The following NCAM1 variants were observed in gnomAD, a reference collection of about 807,000 sequenced individuals.
NCAM1 encodes the protein neural cell adhesion molecule 1, also known as antigen recognized by monoclonal antibody 5.1H11.
A neutral mutation model predicts 109.8 loss-of-function variants in NCAM1; 14 were observed. The observed-to-expected ratio is 0.13, with a 90% CI of 0.08 to 0.20. The LOEUF is 0.20. Among genes scored for constraint, NCAM1 ranks in the 10% least tolerant of loss-of-function variants. The probability of loss-of-function intolerance (pLI) is 1.00; values close to 1 mark genes in which losing one functional copy is unlikely to be tolerated. For synonymous variants in NCAM1, 418 were observed against 442.9 expected, an observed-to-expected ratio of 0.94 and a Z score of 0.70; for missense variants, 774 against 1,109.9, an observed-to-expected ratio of 0.70 and a Z score of 4.30.
intron 7 of NCAM1, among the ~76,000 whole-genome samples, chr11:113,209,141 G>A (rs1555113327): frequency 1.3e-5 from 2 of 152,236 alleles, no homozygotes; most frequent in African/African-American, 4.8e-5. Context: ...AGACAGCACT[G>A]GGGAAGTGCC....
intron 9 of NCAM1, among the ~76,000 whole-genome samples, chr11:113,225,933 C>T (rs972700294): frequency 1.3e-5 from 2 of 152,164 alleles, no homozygotes; most frequent in Non-Finnish European, 2.9e-5. Context: ...CTGAAGGAAG[C>T]ACTAAACATG....
intron 1 of NCAM1, among the ~76,000 whole-genome samples, chr11:112,979,726 T>C (rs1290948498): frequency 6.6e-6 from 1 of 151,836 alleles, no homozygotes; most frequent in Admixed American, 6.6e-5. Flanking sequence ...TGGTCTGGTC[T>C]CTTGGGGTTG....
chr11:113,142,770 G>A (rs75868324), intron 1 of NCAM1, among the ~76,000 whole-genome samples: 23 of 152,196 alleles, frequency 1.5e-4, no homozygotes, highest in African/African-American at 5.3e-4. Context: ...GTTCTCTGGC[G>A]GGTGTGTATA....
Position 112,996,049 on chromosome 11 carries a change from A to AT in NCAM1, c.52+34393dup, listed in dbSNP as rs200907220. Among the ~76,000 whole-genome samples, 98 of 152,120 alleles carry AT rather than the reference A, an allele frequency of 6.4e-4. 1 individual carries two copies. The highest frequency in any genetic ancestry group is 2.2e-3 in the African/African-American group (91 of 41,522). Reference sequence around the variant, plus strand: ...CTCCTCCCCTTTGTCCACTGTTTTGATTTTTTTTAAAAGTCATTAAACACT... The same window carrying AT: ...CTCCTCCCCTTTGTCCACTGTTTTGATTTTTTTTTAAAAGTCATTAAACACT... On this transcript the variant is annotated intron_variant, in intron 1 of 19. Coordinates refer to ENST00000316851, the MANE Select transcript of NCAM1 (RefSeq NM_181351.5).
chr11:113,242,079 C>T lies in NCAM1; in HGVS notation c.1826-4289C>T, dbSNP rs560526680. 8.5e-5 allele frequency among the ~76,000 whole-genome samples: 13 copies of T among 152,320 alleles called. No individual in the cohort carries two copies. The South Asian group carries it at 2.5e-3, about 29-fold the overall frequency. On this transcript the variant is annotated intron_variant, in intron 14 of 19. Transcript: ENST00000316851. ...TGAAGCTCCATAACCTAGGATAAGT[C>T]GCTAAGCCTCCCCAAGTCTCAGATT...
chr11:113,068,787 G>A (rs1003273122), intron 1 of NCAM1, among the ~76,000 whole-genome samples: 2 of 152,112 alleles, frequency 1.3e-5, no homozygotes, highest in African/African-American at 4.8e-5. Context: ...TTTGGTCCTA[G>A]AGGTGCGGTT....
At chr11:112,990,701 G>T (rs1379481888) in intron 1 of NCAM1, among the ~76,000 whole-genome samples, 1 of 152,038 alleles carries the variant, frequency 6.6e-6, no homozygotes, top group Non-Finnish European at 1.5e-5. Flanking sequence ...TGGGTCCCAG[G>T]GTGAATGGTT....
intron 1 of NCAM1, among the ~76,000 whole-genome samples, chr11:113,019,580 T>C (rs1555075879): frequency 1.3e-5 from 2 of 152,228 alleles, no homozygotes. Context: ...GCCATCTTCT[T>C]TTCTTTTACA....
rs538833144 is a variant in NCAM1 at position 113,231,742 on chromosome 11, C to T, written c.1187C>T (p.Thr396Ile). The T allele has an allele frequency of 1.0e-4, 163 of 1,613,952 alleles. 4 individuals are homozygous for T. The South Asian group carries it at 1.6e-3, about 16-fold the overall frequency. ...QYTDAGEYIC[T>I]ASNTIGQDSQ... ...ACTGATGCCGGAGAGTACATCTGCA[C>T]CGCCAGCAACACCATCGGCCAGGAC... is the stretch of plus-strand genomic sequence containing the variant. The change falls in exon 10 of 20, where the codon ACC becomes ATC. Residue 396 changes from threonine to isoleucine, a missense_variant. Coordinates refer to ENST00000316851, the MANE Select transcript of NCAM1 (RefSeq NM_181351.5).
At chr11:113,045,474 C>T (rs1233508348) in intron 1 of NCAM1, among the ~76,000 whole-genome samples, 12 of 152,180 alleles carry the variant, frequency 7.9e-5, no homozygotes, top group African/African-American at 2.9e-4. Flanking sequence ...AGGCAATTCC[C>T]TTCCCACTTT....
chr11:113,052,644 C>CA (rs781945850), intron 1 of NCAM1, among the ~76,000 whole-genome samples: 21 of 152,192 alleles, frequency 1.4e-4, no homozygotes, highest in Non-Finnish European at 2.8e-4. Context: ...TACCTTTCTC[C>CA]AAGTGTAAAA....
chr11:113,098,739 G>A (rs1401218562), intron 1 of NCAM1, among the ~76,000 whole-genome samples: 2 of 152,188 alleles, frequency 1.3e-5, no homozygotes, highest in African/African-American at 2.4e-5. Flanking sequence ...CTGGAGTAGA[G>A]CAAAGGTCCT....
intron 1 of NCAM1, among the ~76,000 whole-genome samples, chr11:113,005,625 C>T (rs1555073183): frequency 6.6e-6 from 1 of 152,164 alleles, no homozygotes; most frequent in African/African-American, 2.4e-5. Context: ...TCTGTTGACA[C>T]TAGCTGTGTA....
intron 1 of NCAM1, among the ~76,000 whole-genome samples, chr11:113,114,816 T>A (rs1940622572): frequency 1.3e-5 from 2 of 152,350 alleles, no homozygotes; most frequent in South Asian, 4.1e-4. Flanking sequence ...AATCAACAGT[T>A]CCTATCTCAT....
In NCAM1 at chr11:113,074,637, A is replaced by G; in HGVS notation, c.52+112973A>G. ...TGAATTTTTAATTTTATTCAATTTTATTTTATTTTTTTGAGATGGAGTCTC... is the reference window on the plus strand; with the variant it reads ...TGAATTTTTAATTTTATTCAATTTTGTTTTATTTTTTTGAGATGGAGTCTC... On this transcript the variant is annotated intron_variant, in intron 1 of 19. Coordinates refer to ENST00000316851, the MANE Select transcript of NCAM1 (RefSeq NM_181351.5). 1.3e-5 allele frequency among the ~76,000 whole-genome samples: 2 copies of G among 152,074 alleles called. 1 individual carries two copies.
intron 1 of NCAM1, among the ~76,000 whole-genome samples, chr11:113,184,031 C>G (rs782034384): frequency 1.2e-4 from 18 of 152,174 alleles, no homozygotes; most frequent in Non-Finnish European, 2.2e-4. Context: ...AGGGCATCTG[C>G]ACTTGTGCAG....
At chr11:113,125,684 G>A (rs1390859501) in intron 1 of NCAM1, among the ~76,000 whole-genome samples, 2 of 152,192 alleles carry the variant, frequency 1.3e-5, no homozygotes, top group Non-Finnish European at 2.9e-5. Context: ...CAGGTCACCA[G>A]GTTGGACGTG....
chr11:113,239,014 A>G (rs1028070933), intron 14 of NCAM1, among the ~76,000 whole-genome samples: 1 of 152,230 alleles, frequency 6.6e-6, no homozygotes, highest in Admixed American at 6.5e-5. Flanking sequence ...TGGTTCTTTA[A>G]TAGACCTTTC....
intron 1 of NCAM1, among the ~76,000 whole-genome samples, chr11:113,136,880 A>C (rs781819767): frequency 6.6e-6 from 1 of 152,140 alleles, no homozygotes; most frequent in Admixed American, 6.5e-5. Flanking sequence ...AATGGAGTGG[A>C]ATGGCGCTGT....
Sources: gnomAD v4.1 joint callset for allele counts (sites outside exome capture counted in the v4.1 genomes callset) on GRCh38, gnomAD v4.1.1 for gene constraint, MANE v1.5 for transcripts, NCBI Gene and HGNC (gene_info 2026-07-23, HGNC 2026-07-21) for gene names.